The following ADAM12 variants were observed in gnomAD, a reference collection of about 807,000 sequenced individuals.
ADAM12 encodes the protein ADAM metallopeptidase domain 12, also known as disintegrin and metalloproteinase domain-containing protein 12.
Under a neutral mutation model 106.4 loss-of-function variants are expected in ADAM12, and 70 were observed. That is an observed-to-expected ratio of 0.66 (90% CI 0.54 to 0.80). The LOEUF (loss-of-function observed/expected upper bound fraction) is 0.80, where lower values mean the gene tolerates loss of function less well. Ranked by LOEUF, ADAM12 falls within the 30% of genes least tolerant of loss-of-function variation. ADAM12 has a pLI of 0.00. For missense variants in ADAM12, 1,010 were observed against 1,171.9 expected, an observed-to-expected ratio of 0.86 and a Z score of 2.02; for synonymous variants, 420 against 433.5, an observed-to-expected ratio of 0.97 and a Z score of 0.39.
intron 3 of ADAM12, among the ~76,000 whole-genome samples, chr10:126,198,846 A>G (rs754605900): frequency 6.6e-6 from 1 of 152,194 alleles, no homozygotes; most frequent in Non-Finnish European, 1.5e-5. Context: ...CTGGCACTTT[A>G]TTCATATTAG....
intron 1 of ADAM12, among the ~76,000 whole-genome samples, chr10:126,381,499 T>TA (rs914861944): frequency 1.4e-4 from 21 of 151,456 alleles, no homozygotes; most frequent in African/African-American, 4.4e-4. Context: ...TTATATTTTT[T>TA]AAAAAAAAAC....
At chr10:126,171,113 T>G (rs1453416795) in intron 3 of ADAM12, among the ~76,000 whole-genome samples, 1 of 152,242 alleles carries the variant, frequency 6.6e-6, no homozygotes, top group Non-Finnish European at 1.5e-5. Context: ...CCTTAATTTC[T>G]TATTCAATTC....
chr10:126,129,162 C>A (rs1038576167), intron 5 of ADAM12, among the ~76,000 whole-genome samples: 3 of 152,230 alleles, frequency 2.0e-5, no homozygotes, highest in Non-Finnish European at 4.4e-5. Context: ...AACCTCTGTG[C>A]CTGCAGGTGA....
chr10:126,106,482 TCTTC>T lies in ADAM12; in HGVS notation c.741+2107_741+2110del, dbSNP rs1282116040. ...GGCCTTTATCCCTTCTTTTTCTTCT[TCTTC>T]TTTTTTTTTTTTTTTTTTGAGATGG... On this transcript the variant is annotated intron_variant, in intron 8 of 22. Transcript: ENST00000448723. Among the ~76,000 whole-genome samples the T allele has an allele frequency of 4.4e-3, 640 of 143,926 alleles. 9 individuals carry two copies. Among genetic ancestry groups the T allele is most frequent in the African/African-American group, 0.016 (579 of 36,468 alleles). 94.4% of individuals were successfully genotyped at this position (143,926 alleles called of 152,430 possible). A position where few individuals can be genotyped will look rare whatever the true frequency, so the allele number is the denominator to read the frequency against.
rs533012015 is a variant in ADAM12 at position 126,304,018 on chromosome 10, A to G, written c.187-25030T>C. On this transcript the variant is annotated intron_variant, in intron 2 of 22. Transcript: ENST00000448723. ...TGTAATACCTTAACACATCCATCAT[A>G]TATGATGAATTAATGTCTCTCCTAT... 7.2e-5 allele frequency among the ~76,000 whole-genome samples: 11 copies of G among 152,138 alleles called. 1 individual carries two copies. The highest frequency in any genetic ancestry group is 1.3e-4 in the Non-Finnish European group (9 of 68,012).
chr10:126,133,420 G>A (rs1001311260), intron 5 of ADAM12, among the ~76,000 whole-genome samples: 3 of 151,978 alleles, frequency 2.0e-5, no homozygotes, highest in Non-Finnish European at 1.5e-5. Flanking sequence ...ATTTAGAGTC[G>A]CCAGCCTCTC....
In ADAM12 at chr10:126,151,733, A is replaced by C. The variant is rs185585665; in HGVS notation, c.339+3494T>G. Among the ~76,000 whole-genome samples, 882 of 152,070 alleles carry C rather than the reference A, an allele frequency of 5.8e-3. 9 individuals carry two copies. Among genetic ancestry groups the C allele is most frequent in the African/African-American group, 0.02 (850 of 41,568 alleles). ...TTTGTCAGTAAATATTAAAAGTACT[A>C]TTACAAATTTAATATCTTTATATAG... On this transcript the variant is annotated intron_variant, in intron 4 of 22. Transcript: ENST00000448723.
At chr10:126,152,430 A>G (rs1956744355) in intron 4 of ADAM12, among the ~76,000 whole-genome samples, 1 of 152,060 alleles carries the variant, frequency 6.6e-6, no homozygotes, top group Non-Finnish European at 1.5e-5. Context: ...GCTAGCATAT[A>G]CAGTTTCAAA....
At chr10:126,287,808 CA>C (rs1193758564) in intron 2 of ADAM12, among the ~76,000 whole-genome samples, 3 of 152,062 alleles carry the variant, frequency 2.0e-5, no homozygotes, top group Non-Finnish European at 4.4e-5. Flanking sequence ...CTCTTCCTAG[CA>C]AAGTTCCTCA....
intron 3 of ADAM12, among the ~76,000 whole-genome samples, chr10:126,272,283 T>C (rs1011845472): frequency 3.9e-5 from 6 of 152,226 alleles, no homozygotes; most frequent in Non-Finnish European, 7.3e-5. Flanking sequence ...AAGAAGTGAA[T>C]GAGCAAGTGA....
intron 3 of ADAM12, among the ~76,000 whole-genome samples, chr10:126,167,805 TG>T (rs1957050530): frequency 6.6e-6 from 1 of 152,212 alleles, no homozygotes; most frequent in African/African-American, 2.4e-5. Context: ...GTCTATGATG[TG>T]GGAGGACACG....
chr10:126,307,958 G>C (rs562293882), intron 2 of ADAM12, among the ~76,000 whole-genome samples: 5 of 152,324 alleles, frequency 3.3e-5, no homozygotes, highest in East Asian at 3.9e-4. Flanking sequence ...GTGTATGGCA[G>C]TGCCATAAAG....
intron 2 of ADAM12, among the ~76,000 whole-genome samples, chr10:126,329,631 T>G (rs976265533): frequency 9.9e-5 from 15 of 152,192 alleles, no homozygotes; most frequent in African/African-American, 3.6e-4. Flanking sequence ...GTAAGCTCCC[T>G]AGATGGAAAT....
At chr10:126,073,326 G>T (rs1169907661) in intron 11 of ADAM12, among the ~76,000 whole-genome samples, 1 of 152,124 alleles carries the variant, frequency 6.6e-6, no homozygotes, top group Admixed American at 6.5e-5. Flanking sequence ...GAGCTCAGGT[G>T]ATCTGCCCGC....
chr10:126,156,846 T>C (rs911586288), intron 3 of ADAM12, among the ~76,000 whole-genome samples: 11 of 152,210 alleles, frequency 7.2e-5, no homozygotes, highest in Admixed American at 1.3e-4. Context: ...TCTGGGGAGC[T>C]GGGCTGGTGG....
At chr10:126,102,391 G>T (rs1278523191) in intron 8 of ADAM12, among the ~76,000 whole-genome samples, 3 of 152,190 alleles carry the variant, frequency 2.0e-5, no homozygotes, top group Non-Finnish European at 4.4e-5. Flanking sequence ...ATGAAAGCAG[G>T]TCCTATTCTC....
intron 11 of ADAM12, among the ~76,000 whole-genome samples, chr10:126,079,670 G>A (rs1018151236): frequency 2.0e-5 from 3 of 152,126 alleles, no homozygotes; most frequent in South Asian, 2.1e-4. Context: ...TATTTGTGTC[G>A]TGACAATAAA....
intron 1 of ADAM12, among the ~76,000 whole-genome samples, chr10:126,354,807 TG>T (rs34012553): frequency 0.42 from 61,877 of 148,526 alleles, 13,525 homozygotes; most frequent in Middle Eastern, 0.6. Context: ...TGCTAAAGTT[TG>T]TTTTTTTTTT....
chr10:126,322,438 G>T (rs965823405), intron 2 of ADAM12, among the ~76,000 whole-genome samples: 1 of 152,174 alleles, frequency 6.6e-6, no homozygotes. Flanking sequence ...CAGGGGCCAC[G>T]TGGCAATGCC....
Sources: gnomAD v4.1 joint callset for allele counts (sites outside exome capture counted in the v4.1 genomes callset) on GRCh38, gnomAD v4.1.1 for gene constraint, MANE v1.5 for transcripts, NCBI Gene and HGNC (gene_info 2026-07-23, HGNC 2026-07-21) for gene names.